The following SYNGR1 variants were observed in gnomAD, a reference collection of about 807,000 sequenced individuals.
The protein encoded by SYNGR1 is synaptogyrin-1.
SYNGR1 carries 14 observed loss-of-function variants against 26.1 expected under a neutral mutation model. The ratio of observed to expected loss-of-function variants is 0.54; its 90% confidence interval spans 0.35 to 0.84. The LOEUF (loss-of-function observed/expected upper bound fraction) is 0.84, where lower values mean the gene tolerates loss of function less well. Ranked by LOEUF, SYNGR1 falls within the 40% of genes least tolerant of loss-of-function variation. SYNGR1 has a pLI of 0.01. For missense variants in SYNGR1, 319 were observed against 332.9 expected (o/e 0.96, Z 0.33); for synonymous variants, 141 against 150.1 (o/e 0.94, Z 0.44).
chr22:39,364,141 C>T (rs77842975), intron 1 of SYNGR1: 1 of 1,610,796 alleles, frequency 6.2e-7, no homozygotes, highest in Non-Finnish European at 8.5e-7. Flanking sequence ...GGGCCTGTGC[C>T]CTTTTGCACT....
At chr22:39,366,944 G>A (rs1011988015) in intron 1 of SYNGR1, among the ~76,000 whole-genome samples, 1 of 152,088 alleles carries the variant, frequency 6.6e-6, no homozygotes, top group Non-Finnish European at 1.5e-5. Flanking sequence ...TCACTTGCTC[G>A]GCTCCTATCG....
At chr22:39,364,640 G>C (rs1266055291) in intron 1 of SYNGR1, among the ~76,000 whole-genome samples, 1 of 152,088 alleles carries the variant, frequency 6.6e-6, no homozygotes. Flanking sequence ...AGAGGAGTTC[G>C]CTCCCATTGA....
chr22:39,356,255 A>C (rs971928208), intron 1 of SYNGR1, among the ~76,000 whole-genome samples: 10 of 151,922 alleles, frequency 6.6e-5, no homozygotes, highest in African/African-American at 1.5e-4. Flanking sequence ...GGGTTTCATC[A>C]TGTTGGCCAG....
chr22:39,373,023 C>T lies in SYNGR1; in HGVS notation c.100-1293C>T, dbSNP rs961508090. ...TACTCCCAGAAGTGATATCCCATCA[C>T]TTCTTGCCATATCCTGTAGTGGGGT... On this transcript the variant is annotated intron_variant, in intron 1 of 3. Transcript: ENST00000328933. Among the ~76,000 whole-genome samples the T allele has an allele frequency of 7.9e-5, 12 of 152,098 alleles. No homozygotes were observed. In the South Asian group the frequency reaches 1.0e-3, roughly 13 times the overall value.
chr22:39,373,181 T>C (rs1220568774), intron 1 of SYNGR1, among the ~76,000 whole-genome samples: 1 of 152,024 alleles, frequency 6.6e-6, no homozygotes, highest in Non-Finnish European at 1.5e-5. Flanking sequence ...ATAGATTTTT[T>C]TTTTTTTGAG....
chr22:39,378,751 AG>A (rs2145633821), intron 3 of SYNGR1, among the ~76,000 whole-genome samples: 1 of 152,318 alleles, frequency 6.6e-6, no homozygotes, highest in South Asian at 2.1e-4. Flanking sequence ...AAGTGGGGCC[AG>A]GGGACCACCA....
chr22:39,381,728 C>A lies in SYNGR1; in HGVS notation c.516C>A (p.Tyr172Ter). 6.2e-7 allele frequency: 1 copy of A among 1,613,438 alleles called. No individual in the cohort carries two copies. The highest frequency in any genetic ancestry group is 8.5e-7 in the Non-Finnish European group (1 of 1,180,006). The change falls in exon 4 of 4, where the codon TAC becomes TAA. Residue 172 changes from tyrosine to a stop codon, truncating the protein, a stop_gained. Transcript: ENST00000328933. LOFTEE classifies it high-confidence loss of function. ...AGGCTGTGCTGGCCTTCCAGCGGTA[C>A]CAGATTGGCGCCGACTCGGCCCTCT... is the stretch of plus-strand genomic sequence containing the variant. Reference protein sequence around the residue: ...AGQAVLAFQRYQIGADSALFS... With the variant: ...AGQAVLAFQR
At chr22:39,379,335 T>A (rs1925419661) in intron 3 of SYNGR1, among the ~76,000 whole-genome samples, 1 of 152,152 alleles carries the variant, frequency 6.6e-6, no homozygotes, top group Non-Finnish European at 1.5e-5. Context: ...ATGAGTACAA[T>A]CAAAAGGTAA....
Position 39,382,051 on chromosome 22 carries a change from G to A in SYNGR1, c.*137G>A. 1.1e-6 allele frequency: 1 copy of A among 931,624 alleles called. No individual in the cohort carries two copies. The highest frequency in any genetic ancestry group is 2.6e-5 in the East Asian group (1 of 38,084). The allele number at this position is 931,624 out of a possible 1,614,324, so 57.7% of individuals were successfully genotyped here. On this transcript the variant is annotated 3_prime_UTR_variant, in exon 4 of 4. Coordinates refer to ENST00000328933, the MANE Select transcript of SYNGR1 (RefSeq NM_004711.5). The stretch of plus-strand genomic sequence containing the variant: ...CCCACTGAGGTCCAGGGTAGCTCGG[G>A]GCAGGGGTGGGGCAGTCCAGTGTTG...
chr22:39,362,015 C>CTT (rs377714031), intron 1 of SYNGR1, among the ~76,000 whole-genome samples: 17,755 of 139,586 alleles, frequency 0.13, 1,409 homozygotes, highest in African/African-American at 0.2. Context: ...CCTTTCTCTC[C>CTT]TTTTTTTTTT....
At position 39,382,192 on chromosome 22, in the gene SYNGR1, G is replaced by A. The variant is rs1925522775; in HGVS notation, c.*278G>A. 1.6e-5 allele frequency: 9 copies of A among 553,426 alleles called. No homozygotes were observed. The highest frequency in any genetic ancestry group is 2.1e-5 in the South Asian group (1 of 47,830). 34.3% of individuals were successfully genotyped at this position (553,426 alleles called of 1,614,324 possible). A position where few individuals can be genotyped will look rare whatever the true frequency, so the allele number is the denominator to read the frequency against. On this transcript the variant is annotated 3_prime_UTR_variant, in exon 4 of 4. Transcript: ENST00000328933. ...TTGTGTCATCAAGCATTCCTTGAGCGCCTACTGGGCATCCGGCCTGTGCTG... is the reference window on the plus strand; with the variant it reads ...TTGTGTCATCAAGCATTCCTTGAGCACCTACTGGGCATCCGGCCTGTGCTG...
chr22:39,371,459 A>AG (rs1243059681), intron 1 of SYNGR1, among the ~76,000 whole-genome samples: 1 of 147,540 alleles, frequency 6.8e-6, no homozygotes, highest in Non-Finnish European at 1.5e-5. Flanking sequence ...CTGGGCAACA[A>AG]GAGCGAAAGT....
Position 39,381,986 on chromosome 22 carries a change from C to A in SYNGR1, c.*72C>A. 1 of 1,497,562 alleles carries A rather than the reference C, an allele frequency of 6.7e-7. No individual in the cohort carries two copies. The highest frequency in any genetic ancestry group is 9.0e-7 in the Non-Finnish European group (1 of 1,107,882). 92.8% of individuals were successfully genotyped at this position (1,497,562 alleles called of 1,614,324 possible). ...TCCACACCCAGCCCCTGCTCCTGCC[C>A]AGGCTGCCCTGCCCAGCGCCTCATC... On this transcript the variant is annotated 3_prime_UTR_variant, in exon 4 of 4. Transcript: ENST00000328933.
chr22:39,363,764 G>C (rs1274869899), intron 1 of SYNGR1, among the ~76,000 whole-genome samples: 1 of 152,112 alleles, frequency 6.6e-6, no homozygotes. Context: ...GACATGGGCA[G>C]GGGCCAGCTG....
At chr22:39,353,090 G>C (rs1012567643) in intron 1 of SYNGR1, among the ~76,000 whole-genome samples, 2 of 152,196 alleles carry the variant, frequency 1.3e-5, no homozygotes, top group African/African-American at 2.4e-5. Flanking sequence ...TCGAACTCCT[G>C]ACCTCAGGTG....
At chr22:39,363,122 A>G (rs1452071087) in intron 1 of SYNGR1, among the ~76,000 whole-genome samples, 5 of 152,136 alleles carry the variant, frequency 3.3e-5, no homozygotes, top group Middle Eastern at 3.4e-3. Flanking sequence ...CAGGCAGAGG[A>G]AAGAGCCGAG....
chr22:39,376,998 T>C (rs1450879639), intron 3 of SYNGR1: 1 of 1,550,836 alleles, frequency 6.4e-7, no homozygotes, highest in South Asian at 1.2e-5. Context: ...TCTTCTCTCC[T>C]AATCACCCTT....
chr22:39,384,382 G>A lies in SYNGR1; in HGVS notation c.*2468G>A. On this transcript the variant is annotated 3_prime_UTR_variant, in exon 4 of 4. Coordinates refer to ENST00000328933, the MANE Select transcript of SYNGR1 (RefSeq NM_004711.5). ...AGCTGTCAAGACTCCTGCCAGGAATGGGGGGTGCTGAGTCATCTCACGAAG... is the reference window on the plus strand; with the variant it reads ...AGCTGTCAAGACTCCTGCCAGGAATAGGGGGTGCTGAGTCATCTCACGAAG... 5.0e-6 allele frequency: 2 copies of A among 397,270 alleles called. No individual in the cohort carries two copies. Among genetic ancestry groups the A allele is most frequent in the Non-Finnish European group, 8.9e-6 (2 of 225,628 alleles). The allele number at this position is 397,270 out of a possible 1,614,324, so 24.6% of individuals were successfully genotyped here.
intron 1 of SYNGR1, among the ~76,000 whole-genome samples, chr22:39,357,568 G>C (rs1924203830): frequency 6.6e-6 from 1 of 151,868 alleles, no homozygotes; most frequent in Admixed American, 6.6e-5. Flanking sequence ...GGGGCTGCGT[G>C]CGGCGCTTGC....
Sources: gnomAD v4.1 joint callset for allele counts (sites outside exome capture counted in the v4.1 genomes callset) on GRCh38, gnomAD v4.1.1 for gene constraint, MANE v1.5 for transcripts, NCBI Gene and HGNC (gene_info 2026-07-23, HGNC 2026-07-21) for gene names.